The following DAB1 variants were observed in gnomAD, a reference collection of about 807,000 sequenced individuals.
DAB1 encodes the protein disabled homolog 1.
A neutral mutation model predicts 64.6 loss-of-function variants in DAB1; 15 were observed. The observed-to-expected ratio is 0.23, with a 90% CI of 0.16 to 0.36. The LOEUF (loss-of-function observed/expected upper bound fraction) is 0.36. Among genes scored for constraint, DAB1 ranks in the 10% least tolerant of loss-of-function variants. The probability of loss-of-function intolerance (pLI) is 1.00; values close to 1 mark genes in which losing one functional copy is unlikely to be tolerated. For synonymous variants in DAB1, 235 were observed against 251.9 expected (o/e 0.93, Z 0.64); for missense variants, 596 against 706.7 (o/e 0.84, Z 1.78).
chr1:57,995,099 T>C (rs1231522892), intron 5 of DAB1, among the ~76,000 whole-genome samples: 2 of 152,134 alleles, frequency 1.3e-5, no homozygotes, highest in Non-Finnish European at 2.9e-5. Flanking sequence ...GGGCCTCAGT[T>C]TCCTCAACTG....
intron 5 of DAB1, among the ~76,000 whole-genome samples, chr1:57,992,305 G>T (rs543528461): frequency 6.6e-6 from 1 of 152,304 alleles, no homozygotes; most frequent in South Asian, 2.1e-4. Flanking sequence ...TCATATGGGT[G>T]CTGGAAACAT....
chr1:57,148,497 A>T (rs1429534065), intron 2 of DAB1, among the ~76,000 whole-genome samples: 1 of 152,258 alleles, frequency 6.6e-6, no homozygotes, highest in Non-Finnish European at 1.5e-5. Flanking sequence ...CGGAGCCATA[A>T]GGCTTTAATT....
At chr1:57,952,548 G>A (rs928120405) in intron 5 of DAB1, among the ~76,000 whole-genome samples, 2 of 152,234 alleles carry the variant, frequency 1.3e-5, no homozygotes, top group Non-Finnish European at 2.9e-5. Context: ...GTGGAAAAAA[G>A]GGAGGGTATT....
intron 4 of DAB1, among the ~76,000 whole-genome samples, chr1:57,129,791 G>C (rs1385364742): frequency 6.6e-6 from 1 of 151,970 alleles, no homozygotes; most frequent in East Asian, 1.9e-4. Flanking sequence ...ATATTTTACT[G>C]TCTATATGGC....
intron 4 of DAB1, among the ~76,000 whole-genome samples, chr1:58,183,393 G>A (rs1175570656): frequency 2.0e-5 from 3 of 151,064 alleles, no homozygotes; most frequent in African/African-American, 7.4e-5. Context: ...ACCTATGTGT[G>A]TAGCCTTCCA....
chr1:58,360,062 G>C (rs1644150833), intron 3 of DAB1, among the ~76,000 whole-genome samples: 1 of 152,128 alleles, frequency 6.6e-6, no homozygotes, highest in Non-Finnish European at 1.5e-5. Context: ...GGTACTAAAT[G>C]TTCAGTTCAT....
intron 2 of DAB1, among the ~76,000 whole-genome samples, chr1:57,286,890 C>G (rs1672360484): frequency 6.6e-6 from 1 of 152,020 alleles, no homozygotes; most frequent in African/African-American, 2.4e-5. Context: ...AGATTTACCC[C>G]AGAAATGAAT....
intron 7 of DAB1, among the ~76,000 whole-genome samples, chr1:57,624,368 C>CA (rs1491430488): frequency 6.6e-6 from 1 of 152,106 alleles, no homozygotes; most frequent in Non-Finnish European, 1.5e-5. Flanking sequence ...CTTAAACTCT[C>CA]AGAGTTGAGT....
At chr1:57,729,126 CCAATGGGGAAAA>C (rs1647302659) in intron 6 of DAB1, among the ~76,000 whole-genome samples, 3 of 152,168 alleles carry the variant, frequency 2.0e-5, no homozygotes, top group Admixed American at 2.0e-4. Flanking sequence ...TGCAGTAATT[CCAATGGGGAAAA>C]CCAGGTAAGC....
chr1:57,827,610 T>C (rs1652408514), intron 1 of DAB1, among the ~76,000 whole-genome samples: 2 of 152,194 alleles, frequency 1.3e-5, no homozygotes. Context: ...AATTAGAAGC[T>C]ATTCCTCTTT....
chr1:57,368,216 C>G (rs1019426641), intron 1 of DAB1, among the ~76,000 whole-genome samples: 7 of 152,210 alleles, frequency 4.6e-5, no homozygotes, highest in African/African-American at 1.7e-4. Flanking sequence ...CTGAGAGCAG[C>G]TCAGTGCTGG....
At chr1:58,032,795 C>T (rs761095026) in intron 5 of DAB1, among the ~76,000 whole-genome samples, 16 of 152,306 alleles carry the variant, frequency 1.1e-4, no homozygotes, top group Admixed American at 3.3e-4. Flanking sequence ...AATCCAAGCT[C>T]TTTAGCACAA....
chr1:58,192,711 A>G (rs1272356183), intron 4 of DAB1, among the ~76,000 whole-genome samples: 1 of 152,134 alleles, frequency 6.6e-6, no homozygotes, highest in East Asian at 1.9e-4. Flanking sequence ...TACTTCATTG[A>G]TGGACACTTG....
intron 5 of DAB1, among the ~76,000 whole-genome samples, chr1:57,945,976 A>G (rs1368110563): frequency 6.6e-6 from 1 of 152,204 alleles, no homozygotes; most frequent in African/African-American, 2.4e-5. Flanking sequence ...ATTACATTCT[A>G]TCATGTATAT....
rs35725380 is a variant in DAB1, at chr1:57,430,908, GAAA to G, written n.626-139745_626-139743del. On this transcript the variant is annotated intron_variant and non_coding_transcript_variant, in intron 7 of 20. Coordinates refer to the DAB1 transcript ENST00000485760. ...ACAATGTTAGGCATTGGCAGAGAAA[GAAA>G]AAAAAAAAAAACTTGTCCTGAAACA... 2.6e-4 allele frequency among the ~76,000 whole-genome samples: 38 copies of G among 146,566 alleles called. 1 individual carries two copies. In the South Asian group the frequency reaches 5.0e-3, roughly 19 times the overall value.
chr1:57,176,919 A>T (rs565847758), intron 2 of DAB1, among the ~76,000 whole-genome samples: 1 of 143,446 alleles, frequency 7.0e-6, no homozygotes, highest in East Asian at 2.1e-4. Context: ...TGGCATAAGG[A>T]TTATTTTGAG....
At chr1:57,522,901 C>A (rs1049871497) in intron 7 of DAB1, among the ~76,000 whole-genome samples, 3 of 152,228 alleles carry the variant, frequency 2.0e-5, no homozygotes, top group Non-Finnish European at 4.4e-5. Flanking sequence ...CCTTGAATAT[C>A]AGACTCCAAG....
chr1:57,570,225 C>T (rs1286060707), intron 7 of DAB1, among the ~76,000 whole-genome samples: 6 of 152,116 alleles, frequency 3.9e-5, no homozygotes, highest in African/African-American at 7.2e-5. Flanking sequence ...GAGAGACTGG[C>T]TTAGCTTCCC....
chr1:57,843,916 G>T (rs1258312465), intron 1 of DAB1, among the ~76,000 whole-genome samples: 1 of 152,216 alleles, frequency 6.6e-6, no homozygotes, highest in Admixed American at 6.5e-5. Flanking sequence ...AAAGAAGCAA[G>T]AATTTGACCA....
Sources: gnomAD v4.1 joint callset for allele counts (sites outside exome capture counted in the v4.1 genomes callset) on GRCh38, gnomAD v4.1.1 for gene constraint, MANE v1.5 for transcripts, NCBI Gene and HGNC (gene_info 2026-07-23, HGNC 2026-07-21) for gene names.